Variants in APBB2 observed in about 807,000 individuals in gnomAD.
APBB2 encodes Fe65-like 1.
APBB2 carries 38 observed loss-of-function variants against 82.5 expected under a neutral mutation model. That is an observed-to-expected ratio of 0.46 (90% CI 0.36 to 0.60). The LOEUF (loss-of-function observed/expected upper bound fraction) is 0.60. APBB2 is among the 20% of genes least tolerant of loss of function. The pLI is 0.00. For missense variants in APBB2, 772 were observed against 972.3 expected (o/e 0.79, Z 2.74); for synonymous variants, 341 against 368.2 (o/e 0.93, Z 0.85).
At chr4:40,895,869 T>A (rs28503809) in intron 10 of APBB2, among the ~76,000 whole-genome samples, 4,076 of 152,302 alleles carry the variant, frequency 0.027, 123 homozygotes, top group African/African-American at 0.076. Context: ...ACTGTACCCA[T>A]GTTATACATG....
intron 10 of APBB2, among the ~76,000 whole-genome samples, chr4:40,897,301 C>T (rs1054208493): frequency 6.6e-6 from 1 of 152,100 alleles, no homozygotes; most frequent in Non-Finnish European, 1.5e-5. Flanking sequence ...GCCAGGAGTT[C>T]GAGACGAGCC....
intron 6 of APBB2, among the ~76,000 whole-genome samples, chr4:41,001,156 T>C (rs1339824614): frequency 6.6e-6 from 1 of 152,214 alleles, no homozygotes; most frequent in Non-Finnish European, 1.5e-5. Flanking sequence ...CCCAATGGCA[T>C]GGAGTTGGAG....
chr4:41,102,056 G>GT (rs751989970), intron 2 of APBB2, among the ~76,000 whole-genome samples: 224 of 152,024 alleles, frequency 1.5e-3, no homozygotes, highest in Non-Finnish European at 2.5e-3. Flanking sequence ...AGATAAAATA[G>GT]TTTAAGTAGG....
At chr4:41,073,029 A>G (rs1349054910) in intron 3 of APBB2, among the ~76,000 whole-genome samples, 1 of 152,218 alleles carries the variant, frequency 6.6e-6, no homozygotes, top group African/African-American at 2.4e-5. Context: ...AACAAATGTG[A>G]ATTACACCTT....
Position 41,195,135 on chromosome 4 carries a change from C to T in APBB2, c.-417+19270G>A. 7.2e-5 allele frequency among the ~76,000 whole-genome samples: 11 copies of T among 152,190 alleles called. No individual in the cohort carries two copies. In the East Asian group the frequency reaches 1.2e-3, roughly 16 times the overall value. On this transcript the variant is annotated intron_variant, in intron 1 of 17. Coordinates refer to ENST00000508593, the MANE Select transcript of APBB2 (RefSeq NM_004307.2). ...CGTCTTCACCCCCTCCCTGGGTGAC[C>T]GTTATACTCCCAAACCTACAGGCCC...
intron 6 of APBB2, among the ~76,000 whole-genome samples, chr4:40,993,382 T>TTTTTA (rs1802712342): frequency 6.6e-6 from 1 of 151,096 alleles, no homozygotes. Context: ...TTTTTTTTTT[T>TTTTTA]TTTAACAAAA....
intron 1 of APBB2, among the ~76,000 whole-genome samples, chr4:41,168,982 C>A (rs771237965): frequency 3.6e-4 from 55 of 151,738 alleles, no homozygotes; most frequent in Non-Finnish European, 7.4e-4. Flanking sequence ...GTCAAGAGAT[C>A]GAGACCATCC....
At chr4:41,007,065 C>A (rs1806962969) in intron 6 of APBB2, among the ~76,000 whole-genome samples, 1 of 152,116 alleles carries the variant, frequency 6.6e-6, no homozygotes, top group African/African-American at 2.4e-5. Flanking sequence ...TAAAGCAACA[C>A]TGCTATAGTC....
chr4:41,027,306 C>T (rs932328679), intron 5 of APBB2, among the ~76,000 whole-genome samples: 8 of 149,242 alleles, frequency 5.4e-5, no homozygotes, highest in African/African-American at 9.9e-5. Flanking sequence ...CTGCTGAGTA[C>T]AGTAACTTTT....
At chr4:41,046,806 C>A (rs1187650395) in intron 4 of APBB2, among the ~76,000 whole-genome samples, 1 of 152,168 alleles carries the variant, frequency 6.6e-6, no homozygotes, top group East Asian at 1.9e-4. Context: ...GCATGCAACA[C>A]CCTGGCAGGC....
At chr4:40,867,995 G>C (rs1302977586) in intron 12 of APBB2, among the ~76,000 whole-genome samples, 1 of 151,164 alleles carries the variant, frequency 6.6e-6, no homozygotes, top group Non-Finnish European at 1.5e-5. Context: ...AGCCTCCTGA[G>C]TAGTTAGGTC....
At chr4:41,116,934 C>G (rs777059702) in intron 2 of APBB2, among the ~76,000 whole-genome samples, 3 of 152,158 alleles carry the variant, frequency 2.0e-5, no homozygotes, top group Non-Finnish European at 4.4e-5. Context: ...CATTCTCACA[C>G]GTTCCCACCT....
chr4:40,916,375 G>C (rs570037336), intron 10 of APBB2, among the ~76,000 whole-genome samples: 283 of 152,300 alleles, frequency 1.9e-3, no homozygotes, highest in African/African-American at 6.6e-3. Flanking sequence ...CTCACAAGAA[G>C]GCAAAAAGTG....
intron 4 of APBB2, among the ~76,000 whole-genome samples, chr4:41,064,295 C>T (rs1333098068): frequency 6.6e-6 from 1 of 152,034 alleles, no homozygotes; most frequent in East Asian, 1.9e-4. Context: ...GCTGGGATTA[C>T]AGACTTGAGC....
intron 10 of APBB2, among the ~76,000 whole-genome samples, chr4:40,910,922 G>C (rs1020621866): frequency 1.3e-5 from 2 of 152,260 alleles, no homozygotes; most frequent in African/African-American, 4.8e-5. Context: ...GCCCAGCACA[G>C]CCTATGGGAA....
chr4:41,165,874 T>C (rs1316882474), intron 1 of APBB2, among the ~76,000 whole-genome samples: 3 of 119,568 alleles, frequency 2.5e-5, no homozygotes, highest in African/African-American at 1.4e-4. Flanking sequence ...CAGGCCCCCT[T>C]TTTTTTTTTT....
At chr4:41,136,783 G>A (rs1157580197) in intron 2 of APBB2, among the ~76,000 whole-genome samples, 1 of 151,942 alleles carries the variant, frequency 6.6e-6, no homozygotes, top group Non-Finnish European at 1.5e-5. Flanking sequence ...ATTTCACCAA[G>A]ACTTACATTT....
chr4:40,886,427 T>C (rs1013204763), intron 12 of APBB2, among the ~76,000 whole-genome samples: 2 of 152,036 alleles, frequency 1.3e-5, no homozygotes, highest in Non-Finnish European at 2.9e-5. Flanking sequence ...TTGCAGTGAA[T>C]TGAGATTGCA....
chr4:40,838,322 A>G (rs1036945527), intron 12 of APBB2, among the ~76,000 whole-genome samples: 1 of 136,644 alleles, frequency 7.3e-6, no homozygotes, highest in Non-Finnish European at 1.5e-5. Context: ...ACCACCACAC[A>G]TGGCTAATTT....
Sources: gnomAD v4.1 joint callset for allele counts (sites outside exome capture counted in the v4.1 genomes callset) on GRCh38, gnomAD v4.1.1 for gene constraint, MANE v1.5 for transcripts, NCBI Gene and HGNC (gene_info 2026-07-23, HGNC 2026-07-21) for gene names.